The following INTS1 variants were observed in gnomAD, a reference collection of about 807,000 sequenced individuals.
The protein encoded by INTS1 is integrator complex subunit 1.
In INTS1, 137 loss-of-function variants were observed where a neutral mutation model predicts 241.6. That is an observed-to-expected ratio of 0.57 (90% CI 0.49 to 0.65). The LOEUF (loss-of-function observed/expected upper bound fraction) is 0.65, where lower values mean the gene tolerates loss of function less well. Among genes scored for constraint, INTS1 ranks in the 30% least tolerant of loss-of-function variants. The pLI is 0.00. For synonymous variants in INTS1, 1,692 were observed against 1,337.8 expected (o/e 1.26, Z -5.78); for missense variants, 3,073 against 3,032.2 (o/e 1.01, Z -0.32).
rs1217737881 is a variant in INTS1 at position 1,493,590 on chromosome 7, A to AT, written c.2068+163_2068+164insA. On this transcript the variant is annotated intron_variant, in intron 15 of 47. Coordinates refer to ENST00000404767, the MANE Select transcript of INTS1 (RefSeq NM_001080453.3). This position sits in a 1 kb window ranked among gnomAD's most constrained non-coding sequence, Gnocchi z 5.3. The stretch of plus-strand genomic sequence containing the variant: ...ATACACGCACGCTTCTGAATTCCCA[A>AT]CGGCAGATGTGGAGAAGGCAGGTCC... Among the ~76,000 whole-genome samples the AT allele has an allele frequency of 1.4e-5, 2 of 145,128 alleles. No individual in the cohort carries two copies. The highest frequency in any genetic ancestry group is 6.7e-5 in the Admixed American group (1 of 14,984).
chr7:1,495,310 G>A (rs1782790524), intron 13 of INTS1, 123 bp downstream of exon 13: 2 of 1,192,184 alleles, frequency 1.7e-6, no homozygotes, highest in Non-Finnish European at 2.3e-6. Flanking sequence ...GTGTGGGGCA[G>A]GGGCTGTGCG....
Position 1,485,282 on chromosome 7 carries a change from G to T in INTS1, c.3156+8C>A. The T allele has an allele frequency of 1.2e-6, 2 of 1,603,658 alleles. No individual in the cohort carries two copies. The highest frequency in any genetic ancestry group is 1.7e-4 in the Middle Eastern group (1 of 6,050). ...TTTCCCTGCCGCGGCCCCGGTCAGC[G>T]CCCTCACCTGCTGCAGGGCCAGGGC... On this transcript the variant is annotated splice_region_variant and intron_variant, in intron 23 of 47. Transcript: ENST00000404767.
In INTS1 at chr7:1,499,165, G is replaced by A. The variant is rs746980890; in HGVS notation, c.951-4C>T. 4 of 1,607,630 alleles carry A rather than the reference G, an allele frequency of 2.5e-6. No homozygotes were observed. The highest frequency in any genetic ancestry group is 2.5e-6 in the Non-Finnish European group (3 of 1,177,142). On this transcript the variant is annotated splice_polypyrimidine_tract_variant and splice_region_variant and intron_variant, in intron 7 of 47. Coordinates refer to ENST00000404767, the MANE Select transcript of INTS1 (RefSeq NM_001080453.3). The stretch of plus-strand genomic sequence containing the variant: ...GCTCTCCGCGAGCTCTTCGTACCTA[G>A]GCCAGAGGAGGGAGCGAGGAGGGAG...
intron 8 of INTS1, 35 bp downstream of exon 8, chr7:1,498,940 C>CCA: frequency 7.2e-7 from 1 of 1,381,886 alleles, no homozygotes; most frequent in Non-Finnish European, 9.8e-7. Context: ...GCCCCCACCC[C>CCA]CTGCCCCGCC....
At chr7:1,477,259 C>T (rs1781767563) in intron 35 of INTS1, among the ~76,000 whole-genome samples, 1 of 152,222 alleles carries the variant, frequency 6.6e-6, no homozygotes, top group African/African-American at 2.4e-5. Flanking sequence ...GAGGCCCCTA[C>T]ATGATCTACA....
Position 1,498,796 on chromosome 7 carries a change from G to A in INTS1, c.1194C>T (p.His398=), listed in dbSNP as rs773407361. 1.1e-5 allele frequency: 18 copies of A among 1,602,414 alleles called. No individual in the cohort carries two copies. The East Asian group carries it at 1.1e-4, about 10-fold the overall frequency. ...AGATGACGTCCATGTCTTCGGAACC[G>A]TGCGTGTTGCAGTTCATGCAGACGG... ...LMSVCMNCNT[H]GSEDMDVISH... Residue 398 remains histidine, a synonymous_variant, in exon 9 of 48, where the codon CAC becomes CAT. Transcript: ENST00000404767.
rs781566226 is a variant in INTS1, at chr7:1,477,756, C to T, written c.4811G>A (p.Gly1604Asp). ...LAGGKPGADG[G>D]SLEAVRLGPS... ...CGTGTGCAGCACCCCAGCTCACCTG[C>T]CACCGTCCGCACCCGGCTTCCCCCC... is the stretch of plus-strand genomic sequence containing the variant. Residue 1604 changes from glycine to aspartate, a missense_variant, in exon 34 of 48, where the codon GGC (glycine) becomes GAC (aspartate). Physicochemically the swap from Gly to Asp is moderately conservative, Grantham distance 94. Coordinates refer to ENST00000404767, the MANE Select transcript of INTS1 (RefSeq NM_001080453.3). 16 of 1,611,922 alleles carry T rather than the reference C, an allele frequency of 9.9e-6. No homozygotes were observed. The highest frequency in any genetic ancestry group is 1.7e-4 in the Middle Eastern group (1 of 6,040).
chr7:1,492,875 C>T (rs1164660419), intron 16 of INTS1, 135 bp downstream of exon 16: 13 of 508,688 alleles, frequency 2.6e-5, no homozygotes, highest in Middle Eastern at 5.3e-4. Context: ...CGGGCTTACC[C>T]GGGCGGGAGT....
intron 3 of INTS1, among the ~76,000 whole-genome samples, chr7:1,502,592 G>A (rs912002026): frequency 1.3e-5 from 2 of 152,130 alleles, no homozygotes; most frequent in African/African-American, 4.8e-5. Flanking sequence ...CGTCACGCCC[G>A]GTTTACCCCC....
At chr7:1,470,779 C>A in intron 47 of INTS1, 67 bp downstream of exon 47, 1 of 1,472,210 alleles carries the variant, frequency 6.8e-7, no homozygotes, top group Non-Finnish European at 9.2e-7. Context: ...AAGAGCCAGC[C>A]CTCGGGGGAC....
At position 1,472,387 on chromosome 7, in the gene INTS1, C is replaced by CCTCGCCCTCTTCGTCCAGGCCTCGGTCGG; in HGVS notation, c.6071-2_6071-1insCCGACCGAGGCCTGGACGAAGAGGGCGAG. The CCTCGCCCTCTTCGTCCAGGCCTCGGTCGG allele has an allele frequency of 6.5e-7, 1 of 1,539,866 alleles. No homozygotes were observed. The highest frequency in any genetic ancestry group is 1.9e-5 in the Admixed American group (1 of 51,362). On this transcript the variant is annotated splice_acceptor_variant, in intron 43 of 47. Transcript: ENST00000404767. LOFTEE classifies it high-confidence loss of function. Reference sequence around the variant, plus strand: ...GGCAAGGAGCCGGCTGAGCTCTCCTCTGGAAGACAGTGGCAGTGCTGCAGG... The same window carrying CCTCGCCCTCTTCGTCCAGGCCTCGGTCGG: ...GGCAAGGAGCCGGCTGAGCTCTCCTCCTCGCCCTCTTCGTCCAGGCCTCGGTCGGTGGAAGACAGTGGCAGTGCTGCAGG...
At position 1,497,434 on chromosome 7, in the gene INTS1, T is replaced by C. The variant is rs549380553; in HGVS notation, c.1426-120A>G. 9 of 1,076,564 alleles carry C rather than the reference T, an allele frequency of 8.4e-6. No individual in the cohort carries two copies. In the East Asian group the frequency reaches 1.9e-4, roughly 22 times the overall value. 66.7% of individuals were successfully genotyped at this position (1,076,564 alleles called of 1,614,324 possible). ...GCGCTGCAGTGGGTCTCAGACAGTGTGGGGTGCGGGGTGGCGGGCTCCTTG... is the reference window on the plus strand; with the variant it reads ...GCGCTGCAGTGGGTCTCAGACAGTGCGGGGTGCGGGGTGGCGGGCTCCTTG... On this transcript the variant is annotated intron_variant, in intron 10 of 47. Coordinates refer to ENST00000404767, the MANE Select transcript of INTS1 (RefSeq NM_001080453.3). This position sits in a 1 kb window ranked among gnomAD's most constrained non-coding sequence, Gnocchi z 5.3.
rs1164003366 is a variant in INTS1 at position 1,476,780 on chromosome 7, A to G, written c.5063+14T>C. 6.2e-7 allele frequency: 1 copy of G among 1,612,676 alleles called. No homozygotes were observed. The highest frequency in any genetic ancestry group is 1.7e-5 in the Admixed American group (1 of 60,006). ...TATGCGCGCAGCCCAGGTTGGGGAC[A>G]GGGAGGCGCCCACCTCTGTTCCCGG... On this transcript the variant is annotated intron_variant, in intron 36 of 47. Transcript: ENST00000404767.
chr7:1,476,402 C>T lies in INTS1; in HGVS notation c.5205G>A (p.Leu1735=). ...CCGCCTCGGCCAGGATCAGCTCCACCAGGCTGATGAGCTCCGGGCCCTGGA... is the reference window on the plus strand; with the variant it reads ...CCGCCTCGGCCAGGATCAGCTCCACTAGGCTGATGAGCTCCGGGCCCTGGA... ...LRVQGPELIS[L]VELILAEAET... is the part of the protein sequence containing the mutation. The change falls in exon 38 of 48, where the codon CTG becomes CTA. Residue 1735 remains leucine (L), a synonymous_variant. Coordinates refer to ENST00000404767, the MANE Select transcript of INTS1 (RefSeq NM_001080453.3). 1 of 1,576,600 alleles carries T rather than the reference C, an allele frequency of 6.3e-7. No individual in the cohort carries two copies.
In INTS1 at chr7:1,493,730, C is replaced by T. The variant is rs1353245005; in HGVS notation, c.2068+24G>A. On this transcript the variant is annotated intron_variant, in intron 15 of 47. Transcript: ENST00000404767. The surrounding 1 kb of genome is among the most constrained non-coding windows in gnomAD (Gnocchi z 5.3). Reference sequence around the variant, plus strand: ...ACGAGGGGAGCAGACCCAGCACAGGCGCCATCCCCTGCAGAAGCCATACCA... The same window carrying T: ...ACGAGGGGAGCAGACCCAGCACAGGTGCCATCCCCTGCAGAAGCCATACCA... 6 of 1,558,488 alleles carry T rather than the reference C, an allele frequency of 3.8e-6. No individual in the cohort carries two copies. Among genetic ancestry groups the T allele is most frequent in the South Asian group, 3.6e-5 (3 of 84,274 alleles).
chr7:1,502,762 G>A (rs1392036573), intron 3 of INTS1, 139 bp downstream of exon 3: 2 of 939,510 alleles, frequency 2.1e-6, no homozygotes, highest in African/African-American at 1.6e-5. Context: ...GCACTTCCAA[G>A]AACAAGCCAC....
chr7:1,473,363 G>A (rs1781563243), intron 42 of INTS1, among the ~76,000 whole-genome samples, 179 bp from the exon 43 acceptor site: 1 of 152,196 alleles, frequency 6.6e-6, no homozygotes, highest in Non-Finnish European at 1.5e-5. Flanking sequence ...CAGAGAGCCA[G>A]AGAGCTGCAG....
intron 3 of INTS1, chr7:1,500,869 G>A (rs13236469): frequency 0.022 from 3,415 of 154,714 alleles, 71 homozygotes; most frequent in Middle Eastern, 0.067. Flanking sequence ...CATCCTCTGA[G>A]GAGCACCAGG....
rs531789721 is a variant in INTS1, at chr7:1,488,052, G to A, written c.2319-95C>T. ...GGGTCAAGGAGGGTAAAACCCCTAC[G>A]GCTGCTGCTGCCTCTGCTGCACAGC... On this transcript the variant is annotated intron_variant, in intron 18 of 47. Coordinates refer to ENST00000404767, the MANE Select transcript of INTS1 (RefSeq NM_001080453.3). 7.8e-5 allele frequency: 97 copies of A among 1,241,232 alleles called. No individual in the cohort carries two copies. In the African/African-American group the frequency reaches 8.3e-4, roughly 11 times the overall value. The allele number at this position is 1,241,232 out of a possible 1,614,324, so 76.9% of individuals were successfully genotyped here. A position where few individuals can be genotyped will look rare whatever the true frequency, so the allele number is the denominator to read the frequency against.
Sources: gnomAD v4.1 joint callset for allele counts (sites outside exome capture counted in the v4.1 genomes callset) on GRCh38, gnomAD v4.1.1 for gene constraint, Gnocchi (gnomAD v3.1) non-coding constraint, MANE v1.5 for transcripts, NCBI Gene and HGNC (gene_info 2026-07-23, HGNC 2026-07-21) for gene names.